MGAT4C: variants seen among roughly 807,000 people sequenced by gnomAD.
MGAT4C encodes the protein alpha-1,3-mannosyl-glycoprotein 4-beta-N-acetylglucosaminyltransferase C.
Under a neutral mutation model 40.1 loss-of-function variants are expected in MGAT4C, and 19 were observed. That is an observed-to-expected ratio of 0.47 (90% CI 0.33 to 0.70). The LOEUF (loss-of-function observed/expected upper bound fraction) is 0.70. Ranked by LOEUF, MGAT4C falls within the 30% of genes least tolerant of loss-of-function variation. The pLI, the probability that MGAT4C is intolerant of heterozygous loss-of-function variation, is 0.02. For synonymous variants in MGAT4C, 181 were observed against 187.1 expected (o/e 0.97, Z 0.27); for missense variants, 491 against 563.2 (o/e 0.87, Z 1.30).
At chr12:86,561,971 T>C (rs1959883965) in intron 2 of MGAT4C, among the ~76,000 whole-genome samples, 1 of 152,030 alleles carries the variant, frequency 6.6e-6, no homozygotes, top group African/African-American at 2.4e-5. Flanking sequence ...GTTTAGAGAG[T>C]TGTGCAAAAT....
rs1287375242 is a variant in MGAT4C at position 86,669,976 on chromosome 12, AC to A, written c.-229+57232del. On this transcript the variant is annotated intron_variant, in intron 2 of 7. Coordinates refer to the MGAT4C transcript ENST00000548651. ...CTGCCCAGCATTATCTAGGGTGACA[AC>A]CCCTAAGGAGGGGAGAGGGCAAGGG... Among the ~76,000 whole-genome samples, 3 of 152,066 alleles carry A rather than the reference AC, an allele frequency of 2.0e-5. No homozygotes were observed. The East Asian group carries it at 5.8e-4, about 29-fold the overall frequency.
chr12:86,476,265 A>G (rs1210743467), intron 2 of MGAT4C, among the ~76,000 whole-genome samples: 1 of 152,152 alleles, frequency 6.6e-6, no homozygotes, highest in Admixed American at 6.6e-5. Flanking sequence ...TAACCCCATT[A>G]AAAATGGGCA....
At chr12:86,323,880 A>T (rs1461242555) in intron 4 of MGAT4C, among the ~76,000 whole-genome samples, 1 of 151,920 alleles carries the variant, frequency 6.6e-6, no homozygotes, top group African/African-American at 2.4e-5. Flanking sequence ...TAAATGAGGC[A>T]ATATTCTTCT....
chr12:86,436,144 T>C (rs1417456946), intron 2 of MGAT4C, among the ~76,000 whole-genome samples: 1 of 151,818 alleles, frequency 6.6e-6, no homozygotes, highest in Non-Finnish European at 1.5e-5. Flanking sequence ...CTACGAAAAA[T>C]ATGAATTAAC....
chr12:86,773,646 A>C (rs1951677394), intron 1 of MGAT4C, among the ~76,000 whole-genome samples: 1 of 152,076 alleles, frequency 6.6e-6, no homozygotes, highest in African/African-American at 2.4e-5. Context: ...CAAGGCATAT[A>C]ATTCTACTGT....
intron 3 of MGAT4C, among the ~76,000 whole-genome samples, chr12:86,397,660 T>G (rs1956285391): frequency 6.6e-6 from 1 of 152,142 alleles, no homozygotes; most frequent in Admixed American, 6.5e-5. Flanking sequence ...TGGTTTTTAT[T>G]AGAATTATAT....
intron 2 of MGAT4C, among the ~76,000 whole-genome samples, chr12:86,633,210 A>G (rs1241987539): frequency 2.0e-5 from 3 of 152,052 alleles, no homozygotes; most frequent in Non-Finnish European, 2.9e-5. Flanking sequence ...TAGAGATAAA[A>G]TATGCACTTA....
intron 1 of MGAT4C, among the ~76,000 whole-genome samples, chr12:86,736,848 A>G (rs1950993316): frequency 1.3e-5 from 2 of 151,670 alleles, no homozygotes; most frequent in African/African-American, 4.8e-5. Context: ...TTTTATTAGC[A>G]TGGACTGGAC....
intron 1 of MGAT4C, among the ~76,000 whole-genome samples, chr12:86,753,079 C>A (rs552784273): frequency 6.6e-6 from 1 of 152,088 alleles, no homozygotes; most frequent in Non-Finnish European, 1.5e-5. Flanking sequence ...AAATTCGTGA[C>A]CTATAAAAAA....
At chr12:86,117,055 T>C (rs538083674) in intron 1 of MGAT4C, among the ~76,000 whole-genome samples, 67 of 152,278 alleles carry the variant, frequency 4.4e-4, no homozygotes, top group African/African-American at 1.3e-3. Context: ...TATCTTATTA[T>C]ACTTTAATCA....
intron 4 of MGAT4C, among the ~76,000 whole-genome samples, chr12:86,299,298 T>C (rs1233659049): frequency 6.6e-6 from 1 of 152,078 alleles, no homozygotes; most frequent in Non-Finnish European, 1.5e-5. Context: ...TTTGTATTTT[T>C]AGTAGAGACG....
chr12:86,110,477 CAATT>C (rs1389886287), intron 1 of MGAT4C, among the ~76,000 whole-genome samples: 1 of 148,774 alleles, frequency 6.7e-6, no homozygotes, highest in Non-Finnish European at 1.5e-5. Context: ...ATCAACTCTT[CAATT>C]ACATTTATAT....
intron 2 of MGAT4C, among the ~76,000 whole-genome samples, chr12:86,036,463 A>G: frequency 6.7e-6 from 1 of 149,654 alleles, no homozygotes; most frequent in Non-Finnish European, 1.5e-5. Flanking sequence ...TTATTTTGAG[A>G]TACATTCCAT....
chr12:86,695,804 G>C (rs1950246387), intron 2 of MGAT4C, among the ~76,000 whole-genome samples: 1 of 152,020 alleles, frequency 6.6e-6, no homozygotes, highest in South Asian at 2.1e-4. Context: ...GAGAGTGAAG[G>C]TGGGTATAGT....
At chr12:86,738,682 C>T (rs1243163668) in intron 1 of MGAT4C, among the ~76,000 whole-genome samples, 1 of 151,244 alleles carries the variant, frequency 6.6e-6, no homozygotes, top group Non-Finnish European at 1.5e-5. Flanking sequence ...TGTATCAATA[C>T]AATTTCAGGA....
chr12:86,067,497 A>T (rs190244610), intron 1 of MGAT4C, among the ~76,000 whole-genome samples: 1 of 151,408 alleles, frequency 6.6e-6, no homozygotes, highest in Admixed American at 6.6e-5. Context: ...CATAAGTAGG[A>T]GCTGAACGAT....
At chr12:86,585,624 C>A (rs964589001) in intron 2 of MGAT4C, among the ~76,000 whole-genome samples, 7 of 151,394 alleles carry the variant, frequency 4.6e-5, no homozygotes, top group East Asian at 3.9e-4. Context: ...GCTTCTGAAA[C>A]CTTTGCTGTC....
chr12:86,738,442 G>T (rs1951017295), intron 1 of MGAT4C, among the ~76,000 whole-genome samples: 1 of 151,174 alleles, frequency 6.6e-6, no homozygotes, highest in Admixed American at 6.6e-5. Context: ...TTTCCTTCTA[G>T]AATAAATATC....
chr12:86,412,015 C>T (rs140140197), intron 3 of MGAT4C, among the ~76,000 whole-genome samples: 279 of 152,286 alleles, frequency 1.8e-3, no homozygotes, highest in African/African-American at 6.2e-3. Flanking sequence ...TGGTGTTAAG[C>T]CTGCAGGTGC....
Sources: gnomAD v4.1 joint callset for allele counts (sites outside exome capture counted in the v4.1 genomes callset) on GRCh38, gnomAD v4.1.1 for gene constraint, MANE v1.5 for transcripts, NCBI Gene and HGNC (gene_info 2026-07-23, HGNC 2026-07-21) for gene names.